Variants in POMT2 observed in about 807,000 individuals in gnomAD.
POMT2 encodes the protein protein O-mannosyl-transferase 2.
In POMT2, 75 loss-of-function variants were observed where a neutral mutation model predicts 100.0. The observed-to-expected ratio is 0.75, with a 90% confidence interval of 0.62 to 0.91. The LOEUF (loss-of-function observed/expected upper bound fraction) is 0.91. Ranked by LOEUF, POMT2 falls within the 40% of genes least tolerant of loss-of-function variation. The pLI is 0.00. For synonymous variants in POMT2, 378 were observed against 374.1 expected (o/e 1.01, Z -0.12); for missense variants, 940 against 955.1 (o/e 0.98, Z 0.21).
chr14:77,318,356 C>T (rs1891701783), intron 1 of POMT2, among the ~76,000 whole-genome samples: 1 of 152,180 alleles, frequency 6.6e-6, no homozygotes, highest in African/African-American at 2.4e-5. Flanking sequence ...AAAACAAAAA[C>T]TCACATGGAC....
chr14:77,288,482 G>A (rs1235363077), intron 11 of POMT2, among the ~76,000 whole-genome samples: 8 of 152,046 alleles, frequency 5.3e-5, no homozygotes, highest in Non-Finnish European at 1.0e-4. Context: ...GCCAGCCTGG[G>A]TAACATAGTG....
intron 5 of POMT2, among the ~76,000 whole-genome samples, chr14:77,302,520 C>T (rs1050928909): frequency 1.6e-4 from 24 of 152,116 alleles, no homozygotes; most frequent in African/African-American, 5.8e-4. Flanking sequence ...TTAGGACCCC[C>T]CATGATATCC....
At chr14:77,278,292 A>T in intron 20 of POMT2, 102 bp downstream of exon 20, 1 of 971,252 alleles carries the variant, frequency 1.0e-6, no homozygotes, top group Non-Finnish European at 1.6e-6. Flanking sequence ...AGGCATGGGC[A>T]CTGGTGGTGT....
In POMT2 at chr14:77,299,471, T is replaced by C. The variant is rs758966312; in HGVS notation, c.907A>G (p.Met303Val). The part of the protein sequence containing the change: ...LYTATFAVHF[M>V]VLSKSGPGDG... ...TGTCTGTACCTTTTACTCAGCACCA[T>C]GAAGTGAACAGCAAAGGTGGCTGTA... Residue 303 changes from methionine (M) to valine (V), a missense_variant, in exon 7 of 21, where the codon ATG becomes GTG. Coordinates refer to ENST00000261534, the MANE Select transcript of POMT2 (RefSeq NM_013382.7). The C allele has an allele frequency of 6.2e-7, 1 of 1,613,888 alleles. No individual in the cohort carries two copies. Among genetic ancestry groups the C allele is most frequent in the Non-Finnish European group, 8.5e-7 (1 of 1,179,892 alleles).
At chr14:77,298,997 A>G (rs564156538) in intron 7 of POMT2, among the ~76,000 whole-genome samples, 1 of 152,346 alleles carries the variant, frequency 6.6e-6, no homozygotes, top group East Asian at 1.9e-4. Flanking sequence ...TTAGTTCCTC[A>G]TTTATAAACT....
At chr14:77,286,232 C>T (rs1162796933) in intron 12 of POMT2, among the ~76,000 whole-genome samples, 1 of 152,324 alleles carries the variant, frequency 6.6e-6, no homozygotes, top group South Asian at 2.1e-4. Flanking sequence ...TAGTTTTTGT[C>T]TTCAGTTACT....
intron 18 of POMT2, chr14:77,279,426 TG>T (rs1890118513): frequency 4.6e-6 from 2 of 430,948 alleles, no homozygotes; most frequent in Non-Finnish European, 9.1e-6. Context: ...GACAGGGCCA[TG>T]GAACAAGGAG....
At chr14:77,293,348 A>G (rs1890709752) in intron 9 of POMT2, among the ~76,000 whole-genome samples, 1 of 152,234 alleles carries the variant, frequency 6.6e-6, no homozygotes, top group Non-Finnish European at 1.5e-5. Flanking sequence ...TTTATTTATC[A>G]TGAGTACAGT....
Position 77,320,606 on chromosome 14 carries a change from C to A in POMT2, c.76G>T (p.Ala26Ser). The A allele has an allele frequency of 6.3e-7, 1 of 1,587,936 alleles. No individual in the cohort carries two copies. The highest frequency in any genetic ancestry group is 1.1e-5 in the South Asian group (1 of 89,750). The part of the protein sequence containing the change: ...PRRGRCGPQA[A>S]RAAGRDVAAE... ...GCCACGTCCCGGCCTGCGGCCCTAG[C>A]AGCCTGGGGGCCACAGCGGCCCCTC... The change falls in exon 1 of 21, where the codon GCT becomes TCT. Residue 26 changes from alanine (A) to serine (S), a missense_variant. Physicochemically the swap from Ala to Ser is moderately conservative, Grantham distance 99 (BLOSUM62 1). Coordinates refer to ENST00000261534, the MANE Select transcript of POMT2 (RefSeq NM_013382.7).
chr14:77,308,142 G>A (rs1283688237), intron 2 of POMT2, among the ~76,000 whole-genome samples: 4 of 150,872 alleles, frequency 2.7e-5, no homozygotes, highest in Non-Finnish European at 4.4e-5. Context: ...TTATAGGCAT[G>A]AGCCACCACG....
rs1259511838 is a variant in POMT2, at chr14:77,288,856, T to C, written c.1184-25A>G. On this transcript the variant is annotated intron_variant, in intron 10 of 20. Transcript: ENST00000261534. ...TCTGCCAAAAAGAAACAAGCATTGATATCCAAAATCACTCACCAGGCTAGT... is the reference window on the plus strand; with the variant it reads ...TCTGCCAAAAAGAAACAAGCATTGACATCCAAAATCACTCACCAGGCTAGT... 3 of 1,605,246 alleles carry C rather than the reference T, an allele frequency of 1.9e-6. No individual in the cohort carries two copies. The highest frequency in any genetic ancestry group is 2.6e-6 in the Non-Finnish European group (3 of 1,172,310).
At chr14:77,278,273 A>G (rs772661503) in intron 20 of POMT2, 121 bp downstream of exon 20, 14 of 870,672 alleles carry the variant, frequency 1.6e-5, no homozygotes, top group African/African-American at 3.3e-5. Flanking sequence ...TGGGTGACGC[A>G]GAACCTCCAG....
At chr14:77,288,941 T>G in intron 10 of POMT2, 110 bp from the exon 11 acceptor site, 1 of 923,324 alleles carries the variant, frequency 1.1e-6, no homozygotes, top group Non-Finnish European at 1.8e-6. Flanking sequence ...CTAGAGGTAC[T>G]AACCAGGTAC....
At chr14:77,279,246 G>A (rs750833745) in intron 18 of POMT2, 12 of 382,676 alleles carry the variant, frequency 3.1e-5, no homozygotes, top group Non-Finnish European at 5.5e-5. Context: ...TGAGGATGGA[G>A]TGAGGAGGTG....
intron 4 of POMT2, among the ~76,000 whole-genome samples, chr14:77,303,883 C>T (rs1250618906): frequency 3.9e-5 from 6 of 152,178 alleles, no homozygotes; most frequent in Admixed American, 3.9e-4. Flanking sequence ...CAGAGTGACT[C>T]ATCAGTGTAT....
At chr14:77,294,143 T>A (rs75352884) in intron 9 of POMT2, among the ~76,000 whole-genome samples, 63 of 152,236 alleles carry the variant, frequency 4.1e-4, no homozygotes, top group Non-Finnish European at 7.1e-4. Context: ...GGGCCAGACA[T>A]GAATGGAGAA....
intron 15 of POMT2, 102 bp from the exon 16 acceptor site, chr14:77,280,565 G>A (rs559747080): frequency 1.5e-4 from 240 of 1,583,174 alleles, no homozygotes; most frequent in Admixed American, 8.9e-4. Context: ...GCGCCGAGCA[G>A]AACCTTCTCT....
rs1404629393 is a variant in POMT2, at chr14:77,296,038, G to C, written c.1116+126C>G. 4 of 805,058 alleles carry C rather than the reference G, an allele frequency of 5.0e-6. No individual in the cohort carries two copies. In the East Asian group the frequency reaches 8.1e-5, roughly 16 times the overall value. 49.9% of individuals were successfully genotyped at this position (805,058 alleles called of 1,614,324 possible). ...CTGGGGTTAGCCAGAGAAAACAGAA[G>C]GGTGCAGGGCTAGGAAGAATGTTTC... is the stretch of plus-strand genomic sequence containing the variant. On this transcript the variant is annotated intron_variant, in intron 9 of 20. Coordinates refer to ENST00000261534, the MANE Select transcript of POMT2 (RefSeq NM_013382.7).
chr14:77,279,824 T>C lies in POMT2; in HGVS notation c.1890A>G (p.Ala630=), dbSNP rs1237991560. 1 of 1,612,896 alleles carries C rather than the reference T, an allele frequency of 6.2e-7. No individual in the cohort carries two copies. The highest frequency in any genetic ancestry group is 8.5e-7 in the Non-Finnish European group (1 of 1,179,770). Residue 630 remains alanine (A), a splice_region_variant and synonymous_variant, in exon 18 of 21, where the codon GCA becomes GCG. Coordinates refer to ENST00000261534, the MANE Select transcript of POMT2 (RefSeq NM_013382.7). ...QRGARLPAEV[A]GLSQVLLRGG... ...GAGGGAGAGCCCAGAGGACCTGACC[T>C]GCAACCTCCGCTGGCAGCCGTGCCC...
Sources: allele counts gnomAD v4.1 joint callset (sites outside exome capture counted in the v4.1 genomes callset), GRCh38; gene constraint gnomAD v4.1.1; transcripts MANE v1.5; gene names NCBI Gene and HGNC (gene_info 2026-07-23, HGNC 2026-07-21).